Variants in FGR observed in about 807,000 individuals in gnomAD.
FGR encodes tyrosine-protein kinase Fgr.
A neutral mutation model predicts 63.2 loss-of-function variants in FGR; 26 were observed. The ratio of observed to expected loss-of-function variants is 0.41; its 90% confidence interval spans 0.30 to 0.57. The LOEUF (loss-of-function observed/expected upper bound fraction) is 0.57, where lower values mean the gene tolerates loss of function less well. Among genes scored for constraint, FGR ranks in the 20% least tolerant of loss-of-function variants. The pLI is 0.27. For missense variants in FGR, 511 were observed against 690.8 expected, an observed-to-expected ratio of 0.74 and a Z score of 2.92; for synonymous variants, 286 against 277.7, an observed-to-expected ratio of 1.03 and a Z score of -0.30.
chr1:27,614,549 T>C lies in FGR; in HGVS notation c.1130A>G (p.Asn377Ser). 6.2e-7 allele frequency: 1 copy of C among 1,614,112 alleles called. No individual in the cohort carries two copies. The highest frequency in any genetic ancestry group is 8.5e-7 in the Non-Finnish European group (1 of 1,179,988). Reference sequence around the variant, plus strand: ...TGCCCTCAGGTCGCGGTGAATGTAGTTCATGCGTTCCATGTAGGCCATGCC... The same window carrying C: ...TGCCCTCAGGTCGCGGTGAATGTAGCTCATGCGTTCCATGTAGGCCATGCC... ...AEGMAYMERM[N>S]YIHRDLRAAN... The change falls in exon 11 of 13, where the codon AAC (asparagine) becomes AGC (serine). Residue 377 changes from asparagine (N) to serine (S), a missense_variant. Physicochemically the swap from Asn to Ser is conservative, Grantham distance 46 (BLOSUM62 1). Transcript: ENST00000374005.
chr1:27,632,531 A>T (rs1000393479), intron 1 of FGR, among the ~76,000 whole-genome samples: 1 of 152,098 alleles, frequency 6.6e-6, no homozygotes, highest in African/African-American at 2.4e-5. Flanking sequence ...GTCTGACTCC[A>T]CCACCACCGT....
intron 4 of FGR, 102 bp from the exon 5 acceptor site, chr1:27,621,759 A>G: frequency 1.2e-6 from 1 of 825,690 alleles, no homozygotes; most frequent in East Asian, 2.5e-5. Context: ...ATCCTGCCAA[A>G]CCCTCATCTT....
intron 2 of FGR, 121 bp from the exon 3 acceptor site, chr1:27,624,050 T>C (rs547806642): frequency 8.7e-6 from 7 of 802,348 alleles, no homozygotes; most frequent in Non-Finnish European, 1.4e-5. Flanking sequence ...TGGGCCTAGA[T>C]TGGGGTCCTC....
chr1:27,619,644 G>A (rs1213171138), intron 5 of FGR, among the ~76,000 whole-genome samples: 4 of 152,244 alleles, frequency 2.6e-5, no homozygotes, highest in Non-Finnish European at 5.9e-5. Context: ...CTGATTCAGG[G>A]GCATGGATTA....
At chr1:27,628,647 C>G (rs1215846141) in intron 1 of FGR, among the ~76,000 whole-genome samples, 1 of 152,100 alleles carries the variant, frequency 6.6e-6, no homozygotes, top group Non-Finnish European at 1.5e-5. Flanking sequence ...CATGTTCACA[C>G]ACAGATACAA....
intron 1 of FGR, among the ~76,000 whole-genome samples, chr1:27,630,469 C>G (rs1187626307): frequency 6.6e-6 from 1 of 152,038 alleles, no homozygotes; most frequent in Non-Finnish European, 1.5e-5. Flanking sequence ...GATTGGACAC[C>G]CCTGCAATAA....
In FGR at chr1:27,615,830, G is replaced by A. The variant is rs1304307705; in HGVS notation, c.697C>T (p.Leu233=). 1 of 1,592,404 alleles carries A rather than the reference G, an allele frequency of 6.3e-7. No homozygotes were observed. Among genetic ancestry groups the A allele is most frequent in the Non-Finnish European group, 8.6e-7 (1 of 1,168,982 alleles). The change falls in exon 8 of 13, where the codon CTG becomes TTG. Residue 233 remains leucine (L), a synonymous_variant. Transcript: ENST00000374005. The surrounding 1 kb of genome is among the most constrained non-coding windows in gnomAD (Gnocchi z 7.6). Reference sequence around the variant, plus strand: ...CAGGGCGCGATGAGCAGGTTGCACAGCCCGTCATTCACCTCTAGGGGAGGG... The same window carrying A: ...CAGGGCGCGATGAGCAGGTTGCACAACCCGTCATTCACCTCTAGGGGAGGG... The part of the protein sequence containing the change: ...VQHYMEVNDG[L]CNLLIAPCTI...
At chr1:27,620,991 CA>C (rs59265327) in intron 5 of FGR, among the ~76,000 whole-genome samples, 283 of 22,036 alleles carry the variant, frequency 0.013, no homozygotes, top group South Asian at 0.052. Flanking sequence ...GACCCTGTCT[CA>C]AAAAAAAAAA....
intron 1 of FGR, among the ~76,000 whole-genome samples, chr1:27,634,815 C>T (rs1299465989): frequency 6.6e-6 from 1 of 151,962 alleles, no homozygotes; most frequent in African/African-American, 2.4e-5. Context: ...TTTGGGGGTC[C>T]CTTTGGTCGG....
chr1:27,624,029 G>A, intron 2 of FGR, 100 bp from the exon 3 acceptor site: 1 of 1,052,062 alleles, frequency 9.5e-7, no homozygotes, highest in Non-Finnish European at 1.4e-6. Flanking sequence ...CAGGCACGTG[G>A]CTTTCCCTCT....
intron 11 of FGR, 58 bp downstream of exon 11, chr1:27,614,372 C>T (rs985852223): frequency 1.3e-6 from 2 of 1,569,876 alleles, no homozygotes; most frequent in East Asian, 4.6e-5. Flanking sequence ...TGCGTGGGGC[C>T]CCATGGAAGT....
rs2148525370 is a variant in FGR at position 27,617,371 on chromosome 1, C to G, written c.429-75G>C. 1.0e-6 allele frequency: 1 copy of G among 996,584 alleles called. No individual in the cohort carries two copies. Among genetic ancestry groups the G allele is most frequent in the East Asian group, 2.4e-5 (1 of 41,464 alleles). The allele number at this position is 996,584 out of a possible 1,614,324, so 61.7% of individuals were successfully genotyped here. A position where few individuals can be genotyped will look rare whatever the true frequency, so the allele number is the denominator to read the frequency against. On this transcript the variant is annotated intron_variant, in intron 5 of 12. Transcript: ENST00000374005. This position sits in a 1 kb window ranked among gnomAD's most constrained non-coding sequence, Gnocchi z 4.5. ...CTCAGCCTCCTGCACAGTCACCTCA[C>G]AAGCCAAGACTCCATTTTCCCCATG...
intron 5 of FGR, among the ~76,000 whole-genome samples, chr1:27,618,580 A>G (rs904737152): frequency 6.6e-6 from 1 of 151,480 alleles, no homozygotes; most frequent in African/African-American, 2.4e-5. Context: ...CTCCCCACAA[A>G]CCTCCTGTCC....
Position 27,615,519 on chromosome 1 carries a change from C to G in FGR, c.933G>C (p.Lys311Asn). 6.2e-7 allele frequency: 1 copy of G among 1,614,016 alleles called. No homozygotes were observed. Among genetic ancestry groups the G allele is most frequent in the Non-Finnish European group, 8.5e-7 (1 of 1,179,866 alleles). Reference sequence around the variant, plus strand: ...GCACCAGCTTGTCGTGCCGCAGCAGCTTCATGACCTGCGCCTCCTCCAGGA... The same window carrying G: ...GCACCAGCTTGTCGTGCCGCAGCAGGTTCATGACCTGCGCCTCCTCCAGGA... ...KAFLEEAQVM[K>N]LLRHDKLVQL... Residue 311 changes from lysine to asparagine, a missense_variant, in exon 9 of 13, where the codon AAG (lysine) becomes AAC (asparagine). Physicochemically the swap from Lys to Asn is moderately conservative, Grantham distance 94. Transcript: ENST00000374005. This position sits in a 1 kb window ranked among gnomAD's most constrained non-coding sequence, Gnocchi z 7.6.
chr1:27,614,496 C>T lies in FGR; in HGVS notation c.1183G>A (p.Ala395Thr), dbSNP rs1200858737. The T allele has an allele frequency of 6.2e-7, 1 of 1,613,916 alleles. No individual in the cohort carries two copies. Among genetic ancestry groups the T allele is most frequent in the African/African-American group, 1.3e-5 (1 of 75,028 alleles). The part of the protein sequence containing the change: ...AANILVGERL[A>T]CKIADFGLAR... ...AAGCCAAAGTCTGCGATCTTGCACG[C>T]CAGCCGCTCCCCAACCAGGATGTTG... Residue 395 changes from alanine (A) to threonine (T), a missense_variant, in exon 11 of 13, where the codon GCG (alanine) becomes ACG (threonine). Coordinates refer to ENST00000374005, the MANE Select transcript of FGR (RefSeq NM_005248.3).
At chr1:27,630,564 G>T (rs1029793831) in intron 1 of FGR, among the ~76,000 whole-genome samples, 1 of 148,698 alleles carries the variant, frequency 6.7e-6, no homozygotes, top group Non-Finnish European at 1.5e-5. Flanking sequence ...GGCGCAGGTG[G>T]GGGGAGGGAG....
At chr1:27,634,140 A>T (rs1022091790) in intron 1 of FGR, among the ~76,000 whole-genome samples, 22 of 142,644 alleles carry the variant, frequency 1.5e-4, no homozygotes, top group African/African-American at 5.6e-4. Context: ...GGCGGAGAGC[A>T]AAGGGGGCTG....
At chr1:27,627,144 C>T (rs2090034472) in intron 1 of FGR, among the ~76,000 whole-genome samples, 1 of 151,994 alleles carries the variant, frequency 6.6e-6, no homozygotes, top group Non-Finnish European at 1.5e-5. Context: ...TGCACTCCAG[C>T]CTGGGAGACA....
At chr1:27,622,615 T>C (rs12049219) in intron 4 of FGR, among the ~76,000 whole-genome samples, 142,164 of 152,240 alleles carry the variant, frequency 0.93, 66,473 homozygotes, top group African/African-American at 0.98. Context: ...AAGTGATTCT[T>C]CTGCCTCAGC....
Sources: gnomAD v4.1 joint callset for allele counts (sites outside exome capture counted in the v4.1 genomes callset) on GRCh38, gnomAD v4.1.1 for gene constraint, Gnocchi (gnomAD v3.1) non-coding constraint, MANE v1.5 for transcripts, NCBI Gene and HGNC (gene_info 2026-07-23, HGNC 2026-07-21) for gene names.